TRAPPC12: variants seen among roughly 807,000 people sequenced by gnomAD.
TRAPPC12 encodes the protein trafficking protein particle complex subunit 12.
A neutral mutation model predicts 69.2 loss-of-function variants in TRAPPC12; 61 were observed. The observed-to-expected ratio is 0.88, with a 90% CI of 0.72 to 1.09. The LOEUF (loss-of-function observed/expected upper bound fraction) is 1.09, where lower values mean the gene tolerates loss of function less well. TRAPPC12 is among the 50% of genes least tolerant of loss of function. TRAPPC12 has a pLI of 0.00. For synonymous variants in TRAPPC12, 469 were observed against 438.9 expected, an observed-to-expected ratio of 1.07 and a Z score of -0.86; for missense variants, 1,101 against 1,016.4, an observed-to-expected ratio of 1.08 and a Z score of -1.13.
chr2:3,444,135 A>G (rs550287868), intron 6 of TRAPPC12, among the ~76,000 whole-genome samples: 1 of 152,302 alleles, frequency 6.6e-6, no homozygotes, highest in African/African-American at 2.4e-5. Context: ...GCCTGGTACT[A>G]TGGGAAGCTG....
intron 3 of TRAPPC12, among the ~76,000 whole-genome samples, chr2:3,405,107 G>T (rs1480511949): frequency 1.3e-5 from 2 of 150,822 alleles, no homozygotes; most frequent in Non-Finnish European, 2.9e-5. Context: ...GACTTGGTAG[G>T]GCCAGTGTCA....
intron 5 of TRAPPC12, among the ~76,000 whole-genome samples, chr2:3,428,057 G>T (rs983482147): frequency 1.3e-5 from 2 of 152,178 alleles, no homozygotes; most frequent in African/African-American, 4.8e-5. Context: ...ATGACACTGA[G>T]TGCCCTTTAA....
chr2:3,389,661 C>T (rs1345587502), intron 2 of TRAPPC12: 1 of 471,000 alleles, frequency 2.1e-6, no homozygotes, highest in Admixed American at 2.3e-5. Flanking sequence ...GTGGGGCAGC[C>T]GAAGGGGGTG....
At chr2:3,386,776 C>A (rs1660512668) in intron 1 of TRAPPC12, among the ~76,000 whole-genome samples, 1 of 151,978 alleles carries the variant, frequency 6.6e-6, no homozygotes, top group Non-Finnish European at 1.5e-5. Context: ...CTTGGGAGGG[C>A]TTCATGGAAG....
At position 3,479,491 on chromosome 2, in the gene TRAPPC12, C is replaced by A; in HGVS notation, c.*30C>A. 1 of 1,608,096 alleles carries A rather than the reference C, an allele frequency of 6.2e-7. No homozygotes were observed. The highest frequency in any genetic ancestry group is 8.5e-7 in the Non-Finnish European group (1 of 1,176,864). On this transcript the variant is annotated 3_prime_UTR_variant, in exon 12 of 12. Coordinates refer to ENST00000324266, the MANE Select transcript of TRAPPC12 (RefSeq NM_016030.6). ...CTCCAACACACTACGTCAGAAGGAC[C>A]CGGGTCTTTGAAACTGTGTCTTGAA... is the stretch of plus-strand genomic sequence containing the variant.
intron 1 of TRAPPC12, among the ~76,000 whole-genome samples, chr2:3,382,407 A>G (rs192176303): frequency 2.6e-5 from 4 of 152,256 alleles, no homozygotes; most frequent in African/African-American, 7.2e-5. Flanking sequence ...TGCTAGGATT[A>G]CAGATGTGAG....
chr2:3,458,113 C>T lies in TRAPPC12; in HGVS notation c.1603+420C>T, dbSNP rs1433000968. On this transcript the variant is annotated intron_variant, in intron 7 of 11. Coordinates refer to ENST00000324266, the MANE Select transcript of TRAPPC12 (RefSeq NM_016030.6). ...GCTCGGGAGGGTGCTTCAGGAGGAG[C>T]TGGAGAGGAAGGCCCAGAGCCTGGG... 6 of 1,029,462 alleles carry T rather than the reference C, an allele frequency of 5.8e-6. No individual in the cohort carries two copies. The East Asian group carries it at 2.7e-4, about 46-fold the overall frequency. The allele number at this position is 1,029,462 out of a possible 1,614,324, so 63.8% of individuals were successfully genotyped here.
At chr2:3,465,484 G>C in intron 8 of TRAPPC12, 113 bp from the exon 9 acceptor site, 2 of 725,928 alleles carry the variant, frequency 2.8e-6, no homozygotes. Context: ...CAGCTCCTGC[G>C]TCAGCGTGTC....
intron 2 of TRAPPC12, among the ~76,000 whole-genome samples, chr2:3,395,532 G>A (rs184230270): frequency 1.3e-4 from 20 of 148,598 alleles, no homozygotes; most frequent in African/African-American, 3.0e-4. Flanking sequence ...ACAGATTCTC[G>A]CAGCTTTTAT....
In TRAPPC12 at chr2:3,443,763, A is replaced by G; in HGVS notation, c.1418-16A>G. On this transcript the variant is annotated splice_polypyrimidine_tract_variant and intron_variant, in intron 5 of 11. Transcript: ENST00000324266. ...GTTATGGCAAACAAACTCACTCAGC[A>G]CTGATTGGATTCCAGGCTCCATGGT... The G allele has an allele frequency of 1.9e-6, 3 of 1,610,800 alleles. No individual in the cohort carries two copies. The highest frequency in any genetic ancestry group is 1.7e-6 in the Non-Finnish European group (2 of 1,177,168).
intron 8 of TRAPPC12, among the ~76,000 whole-genome samples, chr2:3,465,042 G>A (rs568665522): frequency 9.8e-4 from 150 of 152,334 alleles, no homozygotes; most frequent in South Asian, 1.7e-3. Flanking sequence ...CGTGCCGCAC[G>A]GAGCACACGA....
In TRAPPC12 at chr2:3,424,643, A is replaced by C. The variant is rs774197882; in HGVS notation, c.1397A>C (p.His466Pro). ...QPDLYYEYYP[H>P]VYPGRRGSMV... is the part of the protein sequence containing the mutation. ...GATCTTTATTACGAGTACTACCCGC[A>C]CGTGTACCCTGGGCGCAGGGGTAAG... The change falls in exon 5 of 12, where the codon CAC becomes CCC. Residue 466 changes from histidine (H) to proline (P), a missense_variant. By Grantham distance (77) the His-to-Pro change is moderately conservative. Transcript: ENST00000324266. 6.2e-7 allele frequency: 1 copy of C among 1,611,204 alleles called. No individual in the cohort carries two copies.
At chr2:3,404,498 G>C (rs554275528) in intron 3 of TRAPPC12, among the ~76,000 whole-genome samples, 1 of 151,964 alleles carries the variant, frequency 6.6e-6, no homozygotes, top group Admixed American at 6.6e-5. Context: ...AGAAAGTACC[G>C]AACATTGGCA....
chr2:3,394,418 C>T (rs1350902562), intron 2 of TRAPPC12, among the ~76,000 whole-genome samples: 2 of 152,006 alleles, frequency 1.3e-5, no homozygotes, highest in South Asian at 2.1e-4. Context: ...GTCAGGAGAT[C>T]GAGACCACCC....
chr2:3,380,230 C>T (rs540929248), intron 1 of TRAPPC12, among the ~76,000 whole-genome samples: 1 of 152,048 alleles, frequency 6.6e-6, no homozygotes, highest in South Asian at 2.1e-4. Context: ...AGGCTTGGTG[C>T]CAGCCAGGCC....
chr2:3,428,363 G>A (rs143723539), intron 5 of TRAPPC12, among the ~76,000 whole-genome samples: 2 of 152,280 alleles, frequency 1.3e-5, no homozygotes, highest in African/African-American at 4.8e-5. Flanking sequence ...ATTTTGTGGT[G>A]TAACAAAGCA....
chr2:3,463,960 G>T (rs1665653822), intron 8 of TRAPPC12, among the ~76,000 whole-genome samples: 1 of 152,148 alleles, frequency 6.6e-6, no homozygotes, highest in Non-Finnish European at 1.5e-5. Flanking sequence ...TGCAGCCTCT[G>T]TTGGAAAGCA....
At chr2:3,411,789 T>C (rs563897533) in intron 3 of TRAPPC12, among the ~76,000 whole-genome samples, 2 of 152,330 alleles carry the variant, frequency 1.3e-5, no homozygotes, top group South Asian at 4.1e-4. Flanking sequence ...TTAGGATAAG[T>C]CTTAGGAGGA....
chr2:3,394,094 T>A (rs544124745), intron 2 of TRAPPC12, among the ~76,000 whole-genome samples: 1 of 152,320 alleles, frequency 6.6e-6, no homozygotes, highest in African/African-American at 2.4e-5. Context: ...TCTACCTTCC[T>A]CAACCAAGTC....
Sources: gnomAD v4.1 joint callset for allele counts (sites outside exome capture counted in the v4.1 genomes callset) on GRCh38, gnomAD v4.1.1 for gene constraint, MANE v1.5 for transcripts, NCBI Gene and HGNC (gene_info 2026-07-23, HGNC 2026-07-21) for gene names.